The following PIGF variants were observed in gnomAD, a reference collection of about 807,000 sequenced individuals.
PIGF encodes the protein phosphatidylinositol glycan anchor biosynthesis class F.
Under a neutral mutation model 26.0 loss-of-function variants are expected in PIGF, and 23 were observed. The ratio of observed to expected loss-of-function variants is 0.88; its 90% CI spans 0.64 to 1.25. The LOEUF (loss-of-function observed/expected upper bound fraction) is 1.25. Among genes scored for constraint, PIGF ranks in the 50% most tolerant of loss-of-function variants. PIGF has a pLI of 0.00. For missense variants in PIGF, 278 were observed against 249.9 expected, an observed-to-expected ratio of 1.11 and a Z score of -0.76; for synonymous variants, 93 against 92.6, an observed-to-expected ratio of 1.00 and a Z score of -0.03.
chr2:46,594,229 A>C (rs1572772324), intron 4 of PIGF, among the ~76,000 whole-genome samples: 7 of 152,356 alleles, frequency 4.6e-5, no homozygotes, highest in African/African-American at 1.7e-4. Context: ...TGTGGCTGAC[A>C]ATGATGACTA....
chr2:46,607,637 C>G (rs1362770091), intron 4 of PIGF, among the ~76,000 whole-genome samples: 1 of 151,752 alleles, frequency 6.6e-6, no homozygotes, highest in African/African-American at 2.4e-5. Flanking sequence ...AAGATGTGGC[C>G]TTGATGTTGA....
rs541951074 is a variant in PIGF at position 46,614,938 on chromosome 2, T to A, written c.227A>T (p.Lys76Met). Residue 76 changes from lysine (K) to methionine (M), a missense_variant and splice_region_variant, in exon 2 of 6, where the codon AAG becomes ATG. Physicochemically the swap from Lys to Met is moderately conservative, Grantham distance 95. Transcript: ENST00000281382. ...TSSKRSSLSH[K>M]VTGFLKCCIY... ...CAGTTATTGAGACATAAGCCTTACCTTGTGTGATAATGAACTTCTTTTAGA... is the reference window on the plus strand; with the variant it reads ...CAGTTATTGAGACATAAGCCTTACCATGTGTGATAATGAACTTCTTTTAGA... 2.0e-5 allele frequency: 28 copies of A among 1,386,348 alleles called. No individual in the cohort carries two copies. The Admixed American group carries it at 4.7e-4, about 23-fold the overall frequency. The allele number at this position is 1,386,348 out of a possible 1,614,324, so 85.9% of individuals were successfully genotyped here.
At chr2:46,595,027 A>G (rs1572773021) in intron 4 of PIGF, among the ~76,000 whole-genome samples, 1 of 151,834 alleles carries the variant, frequency 6.6e-6, no homozygotes, top group South Asian at 2.1e-4. Flanking sequence ...TTTAGTAGAG[A>G]TGGGGTTTCA....
chr2:46,592,207 C>T (rs963249285), intron 5 of PIGF, among the ~76,000 whole-genome samples: 24 of 151,966 alleles, frequency 1.6e-4, no homozygotes, highest in Admixed American at 1.0e-3. Flanking sequence ...ATAAACAAAC[C>T]GCCTATATAC....
intron 4 of PIGF, among the ~76,000 whole-genome samples, chr2:46,598,944 G>A (rs1034474423): frequency 6.6e-6 from 1 of 152,140 alleles, no homozygotes; most frequent in African/African-American, 2.4e-5. Context: ...CTAGGGACGG[G>A]GTAGGAACCT....
At chr2:46,609,008 T>C (rs1352019992) in intron 4 of PIGF, among the ~76,000 whole-genome samples, 3 of 152,252 alleles carry the variant, frequency 2.0e-5, no homozygotes, top group East Asian at 1.9e-4. Context: ...CTGTCAAGCA[T>C]TGAAGGTGGC....
At chr2:46,590,621 G>C (rs1340454022) in intron 5 of PIGF, among the ~76,000 whole-genome samples, 1 of 151,852 alleles carries the variant, frequency 6.6e-6, no homozygotes, top group Non-Finnish European at 1.5e-5. Context: ...TGCATTACTT[G>C]ATAGCAATGA....
chr2:46,616,930 C>T (rs556588511), intron 1 of PIGF, 40 bp downstream of exon 1: 1 of 320,762 alleles, frequency 3.1e-6, no homozygotes, highest in Non-Finnish European at 5.2e-6. Flanking sequence ...TAGCTTGCAC[C>T]TCGTGAGGCG....
intron 5 of PIGF, among the ~76,000 whole-genome samples, chr2:46,584,677 G>A (rs895562127): frequency 2.0e-5 from 3 of 152,170 alleles, no homozygotes; most frequent in Non-Finnish European, 4.4e-5. Context: ...GACTGGCTTT[G>A]AAGACTGTTA....
At chr2:46,601,391 T>C (rs942828739) in intron 4 of PIGF, among the ~76,000 whole-genome samples, 1 of 152,096 alleles carries the variant, frequency 6.6e-6, no homozygotes, top group African/African-American at 2.4e-5. Flanking sequence ...AAACAGGCCA[T>C]TTTGAGTGCC....
rs771994356 is a variant in PIGF, at chr2:46,581,100, C to T, written c.*378G>A. The stretch of plus-strand genomic sequence containing the variant: ...ATTACGTGAGAAACATCTTCAGTGG[C>T]CAAGGAAACTGTCCATTTCTCTCAG... On this transcript the variant is annotated 3_prime_UTR_variant, in exon 6 of 6. Transcript: ENST00000281382. The T allele has an allele frequency of 6.8e-7, 1 of 1,480,690 alleles. No homozygotes were observed. Among genetic ancestry groups the T allele is most frequent in the South Asian group, 1.4e-5 (1 of 72,838 alleles). The allele number at this position is 1,480,690 out of a possible 1,614,324, so 91.7% of individuals were successfully genotyped here.
intron 5 of PIGF, chr2:46,591,945 C>T (rs1457536922): frequency 3.1e-6 from 4 of 1,303,100 alleles, no homozygotes; most frequent in African/African-American, 1.5e-5. Flanking sequence ...TCAAGAGGAA[C>T]ATTCAATTTG....
At chr2:46,600,740 T>A (rs993082078) in intron 4 of PIGF, among the ~76,000 whole-genome samples, 4 of 152,132 alleles carry the variant, frequency 2.6e-5, no homozygotes, top group African/African-American at 9.7e-5. Context: ...AGTTTCCTTA[T>A]TATTCAAACC....
intron 2 of PIGF, 64 bp from the exon 3 acceptor site, chr2:46,613,849 T>C: frequency 7.3e-7 from 1 of 1,361,364 alleles, no homozygotes; most frequent in South Asian, 1.3e-5. Flanking sequence ...AATTCTTCCA[T>C]TTCATCTACA....
intron 5 of PIGF, among the ~76,000 whole-genome samples, chr2:46,583,335 C>T (rs1265810439): frequency 6.6e-6 from 1 of 152,146 alleles, no homozygotes; most frequent in Non-Finnish European, 1.5e-5. Flanking sequence ...GGAGGTAGAA[C>T]AGAGATCTCC....
At chr2:46,598,739 T>C (rs1329671665) in intron 4 of PIGF, among the ~76,000 whole-genome samples, 1 of 152,094 alleles carries the variant, frequency 6.6e-6, no homozygotes, top group East Asian at 1.9e-4. Context: ...TGTGGTGAAA[T>C]GTCCCAAAAT....
Position 46,588,225 on chromosome 2 carries a change from C to G in PIGF, c.546+4250G>C, listed in dbSNP as rs771436468. 2 of 1,603,778 alleles carry G rather than the reference C, an allele frequency of 1.2e-6. No homozygotes were observed. Among genetic ancestry groups the G allele is most frequent in the Non-Finnish European group, 1.7e-6 (2 of 1,175,904 alleles). On this transcript the variant is annotated intron_variant, in intron 5 of 5. Coordinates refer to ENST00000281382, the MANE Select transcript of PIGF (RefSeq NM_002643.4). This position sits in a 1 kb window ranked among gnomAD's most constrained non-coding sequence, Gnocchi z 4.1. Reference sequence around the variant, plus strand: ...GAAAATTATGTGAAATCCAAATACCCTAAATTGGCATAACTAAATACCAGA... The same window carrying G: ...GAAAATTATGTGAAATCCAAATACCGTAAATTGGCATAACTAAATACCAGA...
chr2:46,613,760 ATAC>A lies in PIGF; in HGVS notation c.251_253del (p.Cys84_Ile85delinsPhe). ...GGAGAAACAAGACATAAGAAAGTAGATACAGCATTTCAAAAATCCAGTTACCTA... is the reference window on the plus strand; with the variant it reads ...GGAGAAACAAGACATAAGAAAGTAGAAGCATTTCAAAAATCCAGTTACCTA... On this transcript the variant is annotated inframe_deletion, in exon 3 of 6. Transcript: ENST00000281382. The A allele has an allele frequency of 6.4e-7, 1 of 1,554,810 alleles. No homozygotes were observed. The highest frequency in any genetic ancestry group is 1.1e-5 in the South Asian group (1 of 87,824).
At position 46,617,011 on chromosome 2, in the gene PIGF, C is replaced by T. The variant is rs1670664789; in HGVS notation, c.-63G>A. 1.4e-5 allele frequency: 8 copies of T among 577,722 alleles called. No homozygotes were observed. Among genetic ancestry groups the T allele is most frequent in the Non-Finnish European group, 9.2e-6 (3 of 324,924 alleles). The allele number at this position is 577,722 out of a possible 1,614,324, so 35.8% of individuals were successfully genotyped here. A position where few individuals can be genotyped will look rare whatever the true frequency, so the allele number is the denominator to read the frequency against. Reference sequence around the variant, plus strand: ...CGGAAGGGAAGCGGGGAACTACTGCCTCCTACCATCAGGTACGACGGGCGG... The same window carrying T: ...CGGAAGGGAAGCGGGGAACTACTGCTTCCTACCATCAGGTACGACGGGCGG... On this transcript the variant is annotated 5_prime_UTR_variant, in exon 1 of 6. Transcript: ENST00000281382.
Sources: gnomAD v4.1 joint callset for allele counts (sites outside exome capture counted in the v4.1 genomes callset) on GRCh38, gnomAD v4.1.1 for gene constraint, Gnocchi (gnomAD v3.1) non-coding constraint, MANE v1.5 for transcripts, NCBI Gene and HGNC (gene_info 2026-07-23, HGNC 2026-07-21) for gene names.